TUT4: variants seen among roughly 807,000 people sequenced by gnomAD.
TUT4 encodes the protein terminal uridylyl transferase 4, also known as terminal uridylyltransferase 4.
In TUT4, 36 loss-of-function variants were observed where a neutral mutation model predicts 192.2. That is an observed-to-expected ratio of 0.19 (90% CI 0.14 to 0.25). TUT4 has a LOEUF of 0.25. TUT4 is among the 10% of genes least tolerant of loss of function. The pLI is 1.00. For missense variants in TUT4, 1,493 were observed against 1,957.2 expected, an observed-to-expected ratio of 0.76 and a Z score of 4.47; for synonymous variants, 618 against 666.0, an observed-to-expected ratio of 0.93 and a Z score of 1.11.
intron 9 of TUT4, among the ~76,000 whole-genome samples, chr1:52,485,386 G>A (rs1669531326): frequency 6.6e-6 from 1 of 151,952 alleles, no homozygotes; most frequent in Non-Finnish European, 1.5e-5. Context: ...TTTTCTAGGT[G>A]TACAATCATA....
chr1:52,484,883 G>A (rs1260313242), intron 9 of TUT4, among the ~76,000 whole-genome samples: 2 of 152,206 alleles, frequency 1.3e-5, no homozygotes, highest in Non-Finnish European at 2.9e-5. Context: ...TTACCCGTCT[G>A]AGCTTAAATA....
At chr1:52,511,033 CAAA>C (rs1677010659) in intron 3 of TUT4, among the ~76,000 whole-genome samples, 1 of 152,172 alleles carries the variant, frequency 6.6e-6, no homozygotes, top group African/African-American at 2.4e-5. Flanking sequence ...CAGCTTCTGA[CAAA>C]AAGATTCTTT....
In TUT4 at chr1:52,473,048, T is replaced by C. The variant is rs1013472245; in HGVS notation, c.2728-946A>G. Among the ~76,000 whole-genome samples the C allele has an allele frequency of 3.3e-5, 5 of 152,066 alleles. No homozygotes were observed. The East Asian group carries it at 5.8e-4, about 18-fold the overall frequency. On this transcript the variant is annotated intron_variant, in intron 13 of 29. Transcript: ENST00000257177. ...ATATTTAGGCAGGAAACTCTTTAAATAGTAAAAATGAAAACTGGAACAACA... is the reference window on the plus strand; with the variant it reads ...ATATTTAGGCAGGAAACTCTTTAAACAGTAAAAATGAAAACTGGAACAACA...
chr1:52,486,331 A>G (rs745816809), intron 9 of TUT4, among the ~76,000 whole-genome samples: 1 of 152,192 alleles, frequency 6.6e-6, no homozygotes, highest in Non-Finnish European at 1.5e-5. Flanking sequence ...TGATAAGGCT[A>G]AAGAGTTCTG....
In TUT4 at chr1:52,445,772, A is replaced by G; in HGVS notation, c.3822+15T>C. On this transcript the variant is annotated intron_variant, in intron 24 of 29. Coordinates refer to ENST00000257177, the MANE Select transcript of TUT4 (RefSeq NM_001009881.3). Reference sequence around the variant, plus strand: ...AAAAAAGAAAAGATTCACAATTCATATAATGTAAACTTACAGCTTCTCTGC... The same window carrying G: ...AAAAAAGAAAAGATTCACAATTCATGTAATGTAAACTTACAGCTTCTCTGC... 1 of 1,566,170 alleles carries G rather than the reference A, an allele frequency of 6.4e-7. No homozygotes were observed. The highest frequency in any genetic ancestry group is 1.4e-5 in the African/African-American group (1 of 72,946).
intron 14 of TUT4, among the ~76,000 whole-genome samples, chr1:52,468,679 G>C (rs368674286): frequency 1.3e-5 from 2 of 152,028 alleles, no homozygotes; most frequent in African/African-American, 4.8e-5. Context: ...TCAAATGCCT[G>C]GTCAAAATTT....
At chr1:52,502,731 C>T (rs1390680245) in intron 4 of TUT4, among the ~76,000 whole-genome samples, 14 of 151,278 alleles carry the variant, frequency 9.3e-5, no homozygotes, top group Admixed American at 2.6e-4. Context: ...ACAAGCGCTC[C>T]TCCACCTAAG....
chr1:52,522,086 AAG>A lies in TUT4; in HGVS notation c.718+3475_718+3476del, dbSNP rs540656846. ...TTTGGATGTTTTCATATGGGAAAAA[AAG>A]AAGTGCTAAACAATTACGTATAAAC... On this transcript the variant is annotated intron_variant, in intron 2 of 29. Transcript: ENST00000257177. 8.7e-3 allele frequency among the ~76,000 whole-genome samples: 1,324 copies of A among 152,344 alleles called. 22 individuals carry two copies. Among genetic ancestry groups the A allele is most frequent in the African/African-American group, 0.03 (1,256 of 41,570 alleles).
At chr1:52,545,673 A>G (rs1571538175) in intron 1 of TUT4, among the ~76,000 whole-genome samples, 1 of 152,156 alleles carries the variant, frequency 6.6e-6, no homozygotes, top group East Asian at 1.9e-4. Context: ...TATTAAATAA[A>G]TAGAAAATAG....
intron 13 of TUT4, among the ~76,000 whole-genome samples, chr1:52,472,458 G>A (rs1666010130): frequency 6.6e-6 from 1 of 151,772 alleles, no homozygotes; most frequent in Non-Finnish European, 1.5e-5. Flanking sequence ...AGGTTATAAA[G>A]AAATTTTAAG....
At chr1:52,513,217 C>T (rs1258962682) in intron 3 of TUT4, among the ~76,000 whole-genome samples, 1 of 149,806 alleles carries the variant, frequency 6.7e-6, no homozygotes, top group Non-Finnish European at 1.5e-5. Flanking sequence ...GTCCGGGCAA[C>T]CTGGCAAAAC....
At chr1:52,435,508 T>A in intron 26 of TUT4, 43 bp from the exon 27 acceptor site, 1 of 1,456,856 alleles carries the variant, frequency 6.9e-7, no homozygotes, top group South Asian at 1.1e-5. Context: ...ATAAGGAAAG[T>A]AGCAGAGAAA....
intron 20 of TUT4, among the ~76,000 whole-genome samples, chr1:52,447,822 T>C (rs1371409764): frequency 2.0e-5 from 3 of 152,200 alleles, no homozygotes; most frequent in Non-Finnish European, 4.4e-5. Context: ...AAAGACTATA[T>C]AAATTAGTCA....
In TUT4 at chr1:52,477,806, A is replaced by C; in HGVS notation, c.1925T>G (p.Leu642Arg). The C allele has an allele frequency of 6.2e-7, 1 of 1,614,110 alleles. No homozygotes were observed. Among genetic ancestry groups the C allele is most frequent in the Non-Finnish European group, 8.5e-7 (1 of 1,179,990 alleles). ...GACATATTCCTCCAAAGCAAAATCC[A>C]GTGTGTAGAATTTAAGCAGCTCTAA... ...LWLELLKFYT[L>R]DFALEEYVIC... Residue 642 changes from leucine to arginine, a missense_variant, in exon 12 of 30, where the codon CTG becomes CGG. Physicochemically the swap from Leu to Arg is moderately radical, Grantham distance 102. Transcript: ENST00000257177.
intron 1 of TUT4, among the ~76,000 whole-genome samples, chr1:52,551,888 G>C (rs566331839): frequency 6.6e-6 from 1 of 152,286 alleles, no homozygotes; most frequent in East Asian, 1.9e-4. Context: ...TTTCGCTGCT[G>C]TAAGACTGGA....
chr1:52,493,583 AAAG>A, intron 7 of TUT4, 25 bp downstream of exon 7: 1 of 1,404,336 alleles, frequency 7.1e-7, no homozygotes, highest in Non-Finnish European at 9.7e-7. Context: ...TAAAAAAAAA[AAAG>A]AAAAGAAAAA....
chr1:52,432,963 T>C (rs187592783), intron 27 of TUT4: 11 of 152,454 alleles, frequency 7.2e-5, no homozygotes, highest in African/African-American at 2.6e-4. Flanking sequence ...TAAAAGGCTG[T>C]TGAGACTGAT....
At chr1:52,437,134 T>A in intron 25 of TUT4, 156 bp from the exon 26 acceptor site, 1 of 997,172 alleles carries the variant, frequency 1.0e-6, no homozygotes, top group Non-Finnish European at 1.4e-6. Context: ...CACCTGCTCA[T>A]TTGGCAGGAA....
chr1:52,552,960 C>G lies in TUT4; in HGVS notation c.-123G>C, dbSNP rs1689873680. The stretch of plus-strand genomic sequence containing the variant: ...GAGGCCCGCGAGCTACAGGCGCGCG[C>G]GACGCCTCCTCATCTCAGTGGCTCC... On this transcript the variant is annotated 5_prime_UTR_variant, in exon 1 of 30. Coordinates refer to ENST00000257177, the MANE Select transcript of TUT4 (RefSeq NM_001009881.3). 1 of 153,410 alleles carries G rather than the reference C, an allele frequency of 6.5e-6. No homozygotes were observed. The highest frequency in any genetic ancestry group is 1.5e-5 in the Non-Finnish European group (1 of 68,250). The allele number at this position is 153,410 out of a possible 1,614,324, so 9.5% of individuals were successfully genotyped here.
Sources: allele counts gnomAD v4.1 joint callset (sites outside exome capture counted in the v4.1 genomes callset), GRCh38; gene constraint gnomAD v4.1.1; transcripts MANE v1.5; gene names NCBI Gene and HGNC (gene_info 2026-07-23, HGNC 2026-07-21).